The following ANO2 variants were observed in gnomAD, a reference collection of about 807,000 sequenced individuals.
ANO2 encodes anoctamin-2.
A neutral mutation model predicts 124.2 loss-of-function variants in ANO2; 101 were observed. That is an observed-to-expected ratio of 0.81 (90% CI 0.69 to 0.96). The LOEUF is 0.96. ANO2 is among the 40% of genes least tolerant of loss of function. ANO2 has a pLI of 0.00. For missense variants in ANO2, 1,293 were observed against 1,274.5 expected (o/e 1.01, Z -0.22); for synonymous variants, 486 against 482.5 (o/e 1.01, Z -0.09).
In ANO2 at chr12:5,658,884, A is replaced by C. The variant is rs1947309608; in HGVS notation, c.1546-11083T>G. Reference sequence around the variant, plus strand: ...TATCATCATCATCATCAACATCATTATCATCATTAAAATCATCATCAGCAA... The same window carrying C: ...TATCATCATCATCATCAACATCATTCTCATCATTAAAATCATCATCAGCAA... On this transcript the variant is annotated intron_variant, in intron 14 of 24. Transcript: ENST00000682330. This position sits in a 1 kb window ranked among gnomAD's most constrained non-coding sequence, Gnocchi z 4.3. Among the ~76,000 whole-genome samples, 1 of 152,200 alleles carries C rather than the reference A, an allele frequency of 6.6e-6. No individual in the cohort carries two copies. The highest frequency in any genetic ancestry group is 2.1e-4 in the South Asian group (1 of 4,824).
At chr12:5,644,275 C>T (rs1444879409) in intron 15 of ANO2, among the ~76,000 whole-genome samples, 3 of 152,172 alleles carry the variant, frequency 2.0e-5, no homozygotes, top group Non-Finnish European at 4.4e-5. Flanking sequence ...CTGAGAAGTT[C>T]ATTCTTTTCC....
At chr12:5,612,186 G>T (rs747859157) in intron 19 of ANO2, among the ~76,000 whole-genome samples, 1 of 152,122 alleles carries the variant, frequency 6.6e-6, no homozygotes, top group African/African-American at 2.4e-5. Flanking sequence ...GGGAGCATAG[G>T]GGGGAATCCA....
At chr12:5,802,897 C>G (rs936096474) in intron 9 of ANO2, among the ~76,000 whole-genome samples, 10 of 152,346 alleles carry the variant, frequency 6.6e-5, no homozygotes, top group Admixed American at 5.2e-4. Flanking sequence ...ACAGCAGGAA[C>G]CATCCCACCT....
At chr12:5,782,418 A>T (rs1952426481) in intron 10 of ANO2, among the ~76,000 whole-genome samples, 1 of 152,178 alleles carries the variant, frequency 6.6e-6, no homozygotes, top group African/African-American at 2.4e-5. Flanking sequence ...TGATGTTTAG[A>T]CCATTTATAC....
chr12:5,679,976 T>C (rs1948421898), intron 14 of ANO2, among the ~76,000 whole-genome samples: 2 of 152,226 alleles, frequency 1.3e-5, no homozygotes, highest in Admixed American at 6.5e-5. Context: ...AATGAGATCA[T>C]GTCCTTTGCA....
chr12:5,694,673 G>T (rs550719109), intron 14 of ANO2, among the ~76,000 whole-genome samples: 2 of 152,278 alleles, frequency 1.3e-5, no homozygotes, highest in African/African-American at 4.8e-5. Context: ...TTTGCCCCTG[G>T]AAAGAATTTA....
intron 14 of ANO2, among the ~76,000 whole-genome samples, chr12:5,701,606 C>T (rs537618249): frequency 4.6e-5 from 7 of 152,162 alleles, no homozygotes; most frequent in Non-Finnish European, 7.3e-5. Flanking sequence ...TAATTCTGTG[C>T]TATCTACTAA....
At chr12:5,661,484 AG>A (rs1947438034) in intron 14 of ANO2, among the ~76,000 whole-genome samples, 1 of 152,032 alleles carries the variant, frequency 6.6e-6, no homozygotes, top group Non-Finnish European at 1.5e-5. Flanking sequence ...TGGAGCTCTA[AG>A]GGGTGCCTAT....
intron 10 of ANO2, among the ~76,000 whole-genome samples, chr12:5,774,124 A>T (rs1447363172): frequency 2.6e-5 from 4 of 152,140 alleles, no homozygotes; most frequent in African/African-American, 4.8e-5. Flanking sequence ...ATGGCAGAAA[A>T]AATAATAATA....
intron 3 of ANO2, among the ~76,000 whole-genome samples, chr12:5,888,546 T>C (rs1370081740): frequency 1.3e-5 from 2 of 152,280 alleles, no homozygotes; most frequent in African/African-American, 4.8e-5. Context: ...GGGTGCTGAC[T>C]GGTGTGTTTA....
rs896074534 is a variant in ANO2 at position 5,908,430 on chromosome 12, C to G, written c.534+12610G>C. On this transcript the variant is annotated intron_variant, in intron 3 of 24. Coordinates refer to ENST00000682330, the MANE Select transcript of ANO2 (RefSeq NM_001364791.2). The surrounding 1 kb of genome is among the most constrained non-coding windows in gnomAD (Gnocchi z 4.7). ...CTCAACAAGGCAGTAATACGAACAC[C>G]AGCAGTCACCCTATCCAAGCCGAGA... is the stretch of plus-strand genomic sequence containing the variant. 2.6e-5 allele frequency among the ~76,000 whole-genome samples: 4 copies of G among 152,282 alleles called. No homozygotes were observed. The highest frequency in any genetic ancestry group is 1.9e-4 in the East Asian group (1 of 5,178).
intron 14 of ANO2, among the ~76,000 whole-genome samples, chr12:5,652,084 C>T (rs1359362520): frequency 6.6e-6 from 1 of 152,116 alleles, no homozygotes; most frequent in Non-Finnish European, 1.5e-5. Context: ...TTGGTGTGAA[C>T]ATAGGTTTTC....
At chr12:5,653,619 A>G (rs1947019685) in intron 14 of ANO2, among the ~76,000 whole-genome samples, 1 of 152,248 alleles carries the variant, frequency 6.6e-6, no homozygotes, top group African/African-American at 2.4e-5. Flanking sequence ...TACAGGAAGC[A>G]TACATTGAAC....
At chr12:5,945,506 G>A (rs535659138), upstream of ANO2, among the ~76,000 whole-genome samples, 17 of 152,364 alleles carry the variant, frequency 1.1e-4, no homozygotes, top group South Asian at 3.3e-3. Context: ...GGGCTGAGGG[G>A]CGAGACAGTA....
intron 10 of ANO2, among the ~76,000 whole-genome samples, chr12:5,799,136 T>TG (rs1178134069): frequency 2.6e-5 from 4 of 152,368 alleles, no homozygotes; most frequent in African/African-American, 9.6e-5. Flanking sequence ...GGATCAACAC[T>TG]GGCACTTGGG....
intron 14 of ANO2, among the ~76,000 whole-genome samples, chr12:5,700,030 A>G (rs1282523900): frequency 3.9e-5 from 6 of 152,190 alleles, no homozygotes; most frequent in Non-Finnish European, 5.9e-5. Context: ...AGACAGATCA[A>G]TGAGACAGAA....
intron 23 of ANO2, 23 bp downstream of exon 23, chr12:5,575,811 C>T (rs779978310): frequency 6.2e-7 from 1 of 1,609,690 alleles, no homozygotes; most frequent in Admixed American, 1.7e-5. Context: ...CCTCTGCTGC[C>T]CTTCTCCTGA....
chr12:5,903,844 G>T (rs1331971015), intron 3 of ANO2, among the ~76,000 whole-genome samples: 1 of 152,136 alleles, frequency 6.6e-6, no homozygotes, highest in East Asian at 1.9e-4. Flanking sequence ...AATTCAGCCT[G>T]GTTTAGGCTA....
At chr12:5,612,867 G>A in intron 18 of ANO2, 34 bp downstream of exon 18, 3 of 1,613,228 alleles carry the variant, frequency 1.9e-6, no homozygotes, top group Non-Finnish European at 2.5e-6. Flanking sequence ...CTGGGTTGGG[G>A]TGCCAGGCAT....
Sources: allele counts gnomAD v4.1 joint callset (sites outside exome capture counted in the v4.1 genomes callset), GRCh38; gene constraint gnomAD v4.1.1; non-coding constraint Gnocchi (gnomAD v3.1); transcripts MANE v1.5; gene names NCBI Gene and HGNC (gene_info 2026-07-23, HGNC 2026-07-21).